LUZP2: variants seen among roughly 807,000 people sequenced by gnomAD.
LUZP2 encodes the protein leucine zipper protein 2.
Under a neutral mutation model 51.6 loss-of-function variants are expected in LUZP2, and 52 were observed. The ratio of observed to expected loss-of-function variants is 1.01; its 90% CI spans 0.81 to 1.27. The LOEUF (loss-of-function observed/expected upper bound fraction) is 1.27. Among genes scored for constraint, LUZP2 ranks in the 50% most tolerant of loss-of-function variants. The pLI is 0.00. For missense variants in LUZP2, 436 were observed against 395.4 expected (o/e 1.10, Z -0.87); for synonymous variants, 154 against 137.3 (o/e 1.12, Z -0.85).
intron 5 of LUZP2, among the ~76,000 whole-genome samples, chr11:24,837,372 A>G (rs1419214785): frequency 2.0e-5 from 3 of 151,640 alleles, no homozygotes; most frequent in East Asian, 1.9e-4. Flanking sequence ...ATAGAACCCA[A>G]TATGAACCTT....
chr11:25,039,658 A>G (rs1213334053), intron 9 of LUZP2, among the ~76,000 whole-genome samples: 3 of 152,176 alleles, frequency 2.0e-5, no homozygotes, highest in African/African-American at 7.2e-5. Context: ...CCATGGGGGT[A>G]TGGAGACTCC....
Position 24,729,297 on chromosome 11 carries a change from A to T in LUZP2, c.180+11A>T. ...AAAGTCAATCTTCAGGTGAGATGAG[A>T]ACTCATTTTCCGAGCAGTAAAAGAG... is the stretch of plus-strand genomic sequence containing the variant. On this transcript the variant is annotated intron_variant, in intron 2 of 11. Transcript: ENST00000336930. The T allele has an allele frequency of 7.1e-7, 1 of 1,404,822 alleles. No homozygotes were observed. The highest frequency in any genetic ancestry group is 1.3e-5 in the South Asian group (1 of 74,430). 87.0% of individuals were successfully genotyped at this position (1,404,822 alleles called of 1,614,324 possible). A position where few individuals can be genotyped will look rare whatever the true frequency, so the allele number is the denominator to read the frequency against.
At chr11:24,534,318 G>A (rs1851103078) in intron 1 of LUZP2, among the ~76,000 whole-genome samples, 1 of 150,616 alleles carries the variant, frequency 6.6e-6, no homozygotes, top group Non-Finnish European at 1.5e-5. Flanking sequence ...ATAAATACAT[G>A]TATATTTCCA....
At chr11:24,740,400 G>A (rs933505222) in intron 4 of LUZP2, among the ~76,000 whole-genome samples, 3 of 152,234 alleles carry the variant, frequency 2.0e-5, no homozygotes, top group East Asian at 1.9e-4. Context: ...TCATCTCAGC[G>A]TGCTGGCAGT....
intron 1 of LUZP2, among the ~76,000 whole-genome samples, chr11:24,636,279 C>T (rs1855103198): frequency 6.6e-6 from 1 of 152,108 alleles, no homozygotes; most frequent in South Asian, 2.1e-4. Context: ...TACTACTTTT[C>T]AACAAATACC....
intron 7 of LUZP2, among the ~76,000 whole-genome samples, chr11:24,936,143 T>C (rs1438294067): frequency 6.6e-6 from 1 of 152,142 alleles, no homozygotes; most frequent in Middle Eastern, 3.2e-3. Flanking sequence ...ATAGACACAG[T>C]TCAGAACAAT....
intron 7 of LUZP2, among the ~76,000 whole-genome samples, chr11:24,923,070 G>GTT (rs1400486104): frequency 6.6e-6 from 1 of 151,444 alleles, no homozygotes; most frequent in Non-Finnish European, 1.5e-5. Context: ...GGATGGTCTC[G>GTT]ATCTCCTGAC....
At chr11:24,996,429 T>C (rs190842397) in intron 9 of LUZP2, among the ~76,000 whole-genome samples, 229 of 152,026 alleles carry the variant, frequency 1.5e-3, no homozygotes, top group African/African-American at 5.3e-3. Context: ...TCTTACATTC[T>C]ATTAAATTAT....
chr11:24,848,532 T>C (rs1851278717), intron 5 of LUZP2, among the ~76,000 whole-genome samples: 1 of 152,170 alleles, frequency 6.6e-6, no homozygotes. Flanking sequence ...CCCTACTGCC[T>C]TTCTTGTCTT....
chr11:25,068,275 T>C (rs1462735803), intron 10 of LUZP2, among the ~76,000 whole-genome samples: 1 of 152,004 alleles, frequency 6.6e-6, no homozygotes, highest in African/African-American at 2.4e-5. Context: ...GTAACAAACC[T>C]GGACATTCTG....
At chr11:24,762,101 G>C (rs1275717885) in intron 4 of LUZP2, among the ~76,000 whole-genome samples, 1 of 133,090 alleles carries the variant, frequency 7.5e-6, no homozygotes, top group Admixed American at 7.7e-5. Flanking sequence ...ACGTATTCTT[G>C]TTCTTTTCTT....
At chr11:24,942,731 G>T (rs1565139761) in intron 7 of LUZP2, among the ~76,000 whole-genome samples, 1 of 151,954 alleles carries the variant, frequency 6.6e-6, no homozygotes, top group African/African-American at 2.4e-5. Context: ...TATTTTTGAT[G>T]AAGTCAAAAT....
At chr11:24,862,637 AC>A (rs1424476725) in intron 5 of LUZP2, among the ~76,000 whole-genome samples, 1 of 152,186 alleles carries the variant, frequency 6.6e-6, no homozygotes, top group African/African-American at 2.4e-5. Flanking sequence ...TATTCAGGAG[AC>A]CTATCTTTAA....
chr11:25,060,436 C>T (rs942010753), intron 10 of LUZP2, among the ~76,000 whole-genome samples: 3 of 152,132 alleles, frequency 2.0e-5, no homozygotes, highest in Admixed American at 2.0e-4. Flanking sequence ...AGGGCTCCAA[C>T]GCCTTATCCC....
intron 7 of LUZP2, among the ~76,000 whole-genome samples, chr11:24,968,496 G>A (rs937023963): frequency 5.9e-5 from 9 of 152,198 alleles, no homozygotes; most frequent in Admixed American, 5.9e-4. Flanking sequence ...GAGTTTATGG[G>A]TGTCTCTGGA....
chr11:24,878,673 G>A (rs867956469), intron 5 of LUZP2, among the ~76,000 whole-genome samples: 1 of 151,118 alleles, frequency 6.6e-6, no homozygotes, highest in South Asian at 2.1e-4. Context: ...TTCAGTTCCG[G>A]GACACATGTG....
intron 5 of LUZP2, among the ~76,000 whole-genome samples, chr11:24,836,003 A>C (rs1484637505): frequency 6.6e-6 from 1 of 152,040 alleles, no homozygotes; most frequent in Non-Finnish European, 1.5e-5. Context: ...TCCTGATGTA[A>C]ATGCAGATGC....
rs369102193 is a variant in LUZP2, at chr11:24,746,247, G to A, written c.333+7945G>A. Among the ~76,000 whole-genome samples the A allele has an allele frequency of 2.1e-4, 32 of 152,248 alleles. No homozygotes were observed. In the South Asian group the frequency reaches 6.6e-3, roughly 32 times the overall value. The stretch of plus-strand genomic sequence containing the variant: ...TAGCAGTTCTTGTAGTGGTGGCTTG[G>A]TAGTGGCGAATTCACTCAGCATTTG... On this transcript the variant is annotated intron_variant, in intron 4 of 11. Transcript: ENST00000336930.
At chr11:24,682,627 T>C (rs200022403) in intron 1 of LUZP2, among the ~76,000 whole-genome samples, 26,981 of 147,540 alleles carry the variant, frequency 0.18, 2,593 homozygotes, top group East Asian at 0.32. Flanking sequence ...TATATATATA[T>C]ATACACATAT....
Sources: gnomAD v4.1 joint callset for allele counts (sites outside exome capture counted in the v4.1 genomes callset) on GRCh38, gnomAD v4.1.1 for gene constraint, MANE v1.5 for transcripts, NCBI Gene and HGNC (gene_info 2026-07-23, HGNC 2026-07-21) for gene names.